Variants in RGCC observed in about 807,000 individuals in gnomAD.
The protein encoded by RGCC is regulator of cell cycle, also known as regulator of cell cycle RGCC.
Under a neutral mutation model 15.4 loss-of-function variants are expected in RGCC, and 15 were observed. The ratio of observed to expected loss-of-function variants is 0.97; its 90% confidence interval spans 0.65 to 1.50. The LOEUF (loss-of-function observed/expected upper bound fraction) is 1.50. Ranked by LOEUF, RGCC falls within the 40% of genes most tolerant of loss-of-function variation. The pLI, the probability that RGCC is intolerant of heterozygous loss-of-function variation, is 0.00. For synonymous variants in RGCC, 81 were observed against 78.0 expected (o/e 1.04, Z -0.20); for missense variants, 176 against 189.7 (o/e 0.93, Z 0.42).
chr13:41,457,725 G>A lies in RGCC; in HGVS notation c.18G>A (p.Ala6=). 2 of 1,461,934 alleles carry A rather than the reference G, an allele frequency of 1.4e-6. No individual in the cohort carries two copies. The highest frequency in any genetic ancestry group is 1.8e-6 in the Non-Finnish European group (2 of 1,108,994). 90.6% of individuals were successfully genotyped at this position (1,461,934 alleles called of 1,614,324 possible). ...GCCGCCTCATGAAGCCGCCCGCGGC[G>A]CAGGGCAGCCCCGCGGCCGCCGCGG... MKPPA[A]QGSPAAAAAA... The change falls in exon 1 of 5, where the codon GCG becomes GCA. Residue 6 remains alanine, a synonymous_variant. Transcript: ENST00000379359. The surrounding 1 kb of genome is among the most constrained non-coding windows in gnomAD (Gnocchi z 4.9).
intron 2 of RGCC, among the ~76,000 whole-genome samples, chr13:41,464,818 G>C (rs188689246): frequency 3.3e-5 from 5 of 152,308 alleles, no homozygotes; most frequent in Non-Finnish European, 2.9e-5. Flanking sequence ...GTCATTTCAG[G>C]TGAGCTGGGC....
chr13:41,470,324 G>A (rs2043869757), intron 4 of RGCC, among the ~76,000 whole-genome samples, 154 bp from the exon 5 acceptor site: 2 of 152,172 alleles, frequency 1.3e-5, no homozygotes, highest in African/African-American at 4.8e-5. Flanking sequence ...ATTGCAGTGG[G>A]TTGCCCAGTC....
chr13:41,457,989 C>G lies in RGCC; in HGVS notation c.49+233C>G, dbSNP rs1285187274. Among the ~76,000 whole-genome samples the G allele has an allele frequency of 6.6e-6, 1 of 152,110 alleles. No individual in the cohort carries two copies. Among genetic ancestry groups the G allele is most frequent in the African/African-American group, 2.4e-5 (1 of 41,440 alleles). On this transcript the variant is annotated intron_variant, in intron 1 of 4. Coordinates refer to ENST00000379359, the MANE Select transcript of RGCC (RefSeq NM_014059.3). This position sits in a 1 kb window ranked among gnomAD's most constrained non-coding sequence, Gnocchi z 4.9. ...CGCGCGCGCCCGGGGTTGGGGGGAG[C>G]GGCGGGGACAGGTAACCGGCAGCGC...
Position 41,458,421 on chromosome 13 carries a change from G to A in RGCC, c.186G>A (p.Arg62=), listed in dbSNP as rs758647089. ...HYEEHLERMK[R]RSSASVSDSS... is the part of the protein sequence containing the mutation. ...AGGAGCACCTGGAGCGCATGAAGCG[G>A]CGCAGCAGCGCCAGTGTCAGCGACA... The change falls in exon 2 of 5, where the codon CGG becomes CGA. Residue 62 remains arginine (R), a synonymous_variant. Transcript: ENST00000379359. This position sits in a 1 kb window ranked among gnomAD's most constrained non-coding sequence, Gnocchi z 4.4. The A allele has an allele frequency of 1.2e-6, 2 of 1,601,660 alleles. No homozygotes were observed. The highest frequency in any genetic ancestry group is 2.7e-5 in the African/African-American group (2 of 75,002).
In RGCC at chr13:41,466,891, A is replaced by T. The variant is rs1234780450; in HGVS notation, c.304A>T (p.Thr102Ser). ...DEKLNSPTDS[T>S]PALLSATVTP... ...AAAACTGAATTCTCCAACAGACTCT[A>T]CCCCAGCTCTTCTCTCTGCCACTGT... The change falls in exon 3 of 5, where the codon ACC (threonine) becomes TCC (serine). Residue 102 changes from threonine (T) to serine (S), a missense_variant. Coordinates refer to ENST00000379359, the MANE Select transcript of RGCC (RefSeq NM_014059.3). 1 of 1,613,780 alleles carries T rather than the reference A, an allele frequency of 6.2e-7. No homozygotes were observed. The highest frequency in any genetic ancestry group is 1.3e-5 in the African/African-American group (1 of 74,910).
chr13:41,457,866 G>T lies in RGCC; in HGVS notation c.49+110G>T. The T allele has an allele frequency of 1.5e-6, 2 of 1,320,726 alleles. No individual in the cohort carries two copies. Among genetic ancestry groups the T allele is most frequent in the Non-Finnish European group, 1.9e-6 (2 of 1,028,956 alleles). 81.8% of individuals were successfully genotyped at this position (1,320,726 alleles called of 1,614,324 possible). A position where few individuals can be genotyped will look rare whatever the true frequency, so the allele number is the denominator to read the frequency against. ...CACCCCCCACCCTTCCATCCTCCCC[G>T]GCGGGAACCTGTCCCCGGTCTTCCC... On this transcript the variant is annotated intron_variant, in intron 1 of 4. Coordinates refer to ENST00000379359, the MANE Select transcript of RGCC (RefSeq NM_014059.3). This position sits in a 1 kb window ranked among gnomAD's most constrained non-coding sequence, Gnocchi z 4.9.
At chr13:41,469,298 G>T (rs9525490) in intron 4 of RGCC, among the ~76,000 whole-genome samples, 5,096 of 44,034 alleles carry the variant, frequency 0.12, 222 homozygotes, top group African/African-American at 0.24. Context: ...ATAATAATAA[G>T]AAGAAGAAGA....
chr13:41,466,907 C>T lies in RGCC; in HGVS notation c.320C>T (p.Ser107Phe), dbSNP rs771352433. ...ACAGACTCTACCCCAGCTCTTCTCT[C>T]TGCCACTGTCACTCCTCAGAAAGGT... ...SPTDSTPALLSATVTPQKAKL... is the reference protein window; with the variant it reads ...SPTDSTPALLFATVTPQKAKL... The change falls in exon 3 of 5, where the codon TCT becomes TTT. Residue 107 changes from serine (S) to phenylalanine (F), a missense_variant. Ser to Phe is a radical substitution (Grantham distance 155). Coordinates refer to ENST00000379359, the MANE Select transcript of RGCC (RefSeq NM_014059.3). 36 of 1,613,300 alleles carry T rather than the reference C, an allele frequency of 2.2e-5. No individual in the cohort carries two copies. The highest frequency in any genetic ancestry group is 2.9e-5 in the Non-Finnish European group (34 of 1,179,372).
At chr13:41,469,318 A>C (rs914957632) in intron 4 of RGCC, among the ~76,000 whole-genome samples, 5 of 151,450 alleles carry the variant, frequency 3.3e-5, no homozygotes, top group Non-Finnish European at 7.4e-5. Context: ...AAGAAGAAGA[A>C]GAAGAAGAAG....
chr13:41,458,536 C>T lies in RGCC; in HGVS notation c.235+66C>T. On this transcript the variant is annotated intron_variant, in intron 2 of 4. Coordinates refer to ENST00000379359, the MANE Select transcript of RGCC (RefSeq NM_014059.3). The surrounding 1 kb of genome is among the most constrained non-coding windows in gnomAD (Gnocchi z 4.4). ...GCTCCCAGGACCTGCCCCGCGAAGG[C>T]TGCGGCCTCAGTTTTCTTATCAGTA... is the stretch of plus-strand genomic sequence containing the variant. 6.8e-7 allele frequency: 1 copy of T among 1,474,226 alleles called. No homozygotes were observed. The allele number at this position is 1,474,226 out of a possible 1,614,324, so 91.3% of individuals were successfully genotyped here.
intron 3 of RGCC, among the ~76,000 whole-genome samples, chr13:41,468,515 TAAAG>T (rs367845629): frequency 7.2e-5 from 11 of 152,110 alleles, no homozygotes; most frequent in Non-Finnish European, 2.9e-5. Flanking sequence ...AACTAAAAAA[TAAAG>T]AAACACTTAG....
intron 2 of RGCC, among the ~76,000 whole-genome samples, chr13:41,464,852 T>C (rs1195238647): frequency 6.6e-6 from 1 of 152,022 alleles, no homozygotes; most frequent in Admixed American, 6.5e-5. Flanking sequence ...GAAGCAAAGA[T>C]TGTGAGGGTT....
chr13:41,470,612 C>A lies in RGCC; in HGVS notation c.*127C>A, dbSNP rs1232136931. 2.2e-6 allele frequency: 2 copies of A among 927,492 alleles called. No homozygotes were observed. The highest frequency in any genetic ancestry group is 3.5e-6 in the Non-Finnish European group (2 of 565,626). 57.5% of individuals were successfully genotyped at this position (927,492 alleles called of 1,614,324 possible). A position where few individuals can be genotyped will look rare whatever the true frequency, so the allele number is the denominator to read the frequency against. ...GACGTGCACTCAACCTTCTACCAGG[C>A]CACTCTCAGGCTCACCTTAAAATCA... On this transcript the variant is annotated 3_prime_UTR_variant, in exon 5 of 5. Coordinates refer to ENST00000379359, the MANE Select transcript of RGCC (RefSeq NM_014059.3).
rs1255483229 is a variant in RGCC at position 41,457,805 on chromosome 13, C to A, written c.49+49C>A. 1.5e-6 allele frequency: 2 copies of A among 1,359,006 alleles called. No individual in the cohort carries two copies. Among genetic ancestry groups the A allele is most frequent in the Non-Finnish European group, 1.9e-6 (2 of 1,057,138 alleles). 84.2% of individuals were successfully genotyped at this position (1,359,006 alleles called of 1,614,324 possible). A position where few individuals can be genotyped will look rare whatever the true frequency, so the allele number is the denominator to read the frequency against. ...CTTAAAGTCTCGGCTCTGCAGATGG[C>A]GGGTGAGAAAGGAGGGGCCCCGTGT... On this transcript the variant is annotated intron_variant, in intron 1 of 4. Coordinates refer to ENST00000379359, the MANE Select transcript of RGCC (RefSeq NM_014059.3). This position sits in a 1 kb window ranked among gnomAD's most constrained non-coding sequence, Gnocchi z 4.9.
At chr13:41,459,804 A>G (rs563902521) in intron 2 of RGCC, among the ~76,000 whole-genome samples, 2 of 152,236 alleles carry the variant, frequency 1.3e-5, no homozygotes, top group Non-Finnish European at 2.9e-5. Context: ...GTCTCCTCCT[A>G]CTGGGGCATG....
At chr13:41,464,581 A>G (rs2139576035) in intron 2 of RGCC, among the ~76,000 whole-genome samples, 1 of 152,294 alleles carries the variant, frequency 6.6e-6, no homozygotes, top group South Asian at 2.1e-4. Flanking sequence ...GGTCAGGTAC[A>G]CTGGGGAAAT....
At chr13:41,462,662 T>A (rs2043827661) in intron 2 of RGCC, among the ~76,000 whole-genome samples, 1 of 152,184 alleles carries the variant, frequency 6.6e-6, no homozygotes, top group Admixed American at 6.5e-5. Context: ...CATGAATATG[T>A]GATCAGCCAG....
In RGCC at chr13:41,458,401, C is replaced by A; in HGVS notation, c.166C>A (p.His56Asn). 1 of 1,600,694 alleles carries A rather than the reference C, an allele frequency of 6.2e-7. No homozygotes were observed. The highest frequency in any genetic ancestry group is 1.1e-5 in the South Asian group (1 of 90,440). The change falls in exon 2 of 5, where the codon CAC becomes AAC. Residue 56 changes from histidine to asparagine, a missense_variant. By Grantham distance (68) the His-to-Asn change is moderately conservative (BLOSUM62 1). Coordinates refer to ENST00000379359, the MANE Select transcript of RGCC (RefSeq NM_014059.3). The surrounding 1 kb of genome is among the most constrained non-coding windows in gnomAD (Gnocchi z 4.4). ...FHERHFHYEE[H>N]LERMKRRSSA... ...CGAGCGCCACTTCCACTACGAGGAGCACCTGGAGCGCATGAAGCGGCGCAG... is the reference window on the plus strand; with the variant it reads ...CGAGCGCCACTTCCACTACGAGGAGAACCTGGAGCGCATGAAGCGGCGCAG...
rs1461892563 is a variant in RGCC at position 41,457,597 on chromosome 13, C to G, written c.-111C>G. Reference sequence around the variant, plus strand: ...GGAGCGGCGCGGCTGGAGCGCAGCGCCGAAGGGACTGGCAGGGCTGAAGTG... The same window carrying G: ...GGAGCGGCGCGGCTGGAGCGCAGCGGCGAAGGGACTGGCAGGGCTGAAGTG... On this transcript the variant is annotated 5_prime_UTR_variant, in exon 1 of 5. Transcript: ENST00000379359. This position sits in a 1 kb window ranked among gnomAD's most constrained non-coding sequence, Gnocchi z 4.9. The G allele has an allele frequency of 6.9e-7, 1 of 1,441,496 alleles. No homozygotes were observed. Among genetic ancestry groups the G allele is most frequent in the African/African-American group, 1.5e-5 (1 of 66,838 alleles). The allele number at this position is 1,441,496 out of a possible 1,614,324, so 89.3% of individuals were successfully genotyped here.
Sources: gnomAD v4.1 joint callset for allele counts (sites outside exome capture counted in the v4.1 genomes callset) on GRCh38, gnomAD v4.1.1 for gene constraint, Gnocchi (gnomAD v3.1) non-coding constraint, MANE v1.5 for transcripts, NCBI Gene and HGNC (gene_info 2026-07-23, HGNC 2026-07-21) for gene names.